CTDSPL2: variants seen among roughly 807,000 people sequenced by gnomAD.
CTDSPL2 encodes the protein CTD small phosphatase like 2, also known as CTD small phosphatase-like protein 2.
In CTDSPL2, 5 loss-of-function variants were observed where a neutral mutation model predicts 60.0. The observed-to-expected ratio is 0.08, with a 90% confidence interval of 0.04 to 0.18. The LOEUF is 0.18. Ranked by LOEUF, CTDSPL2 falls within the 10% of genes least tolerant of loss-of-function variation. The pLI is 1.00. For missense variants in CTDSPL2, 370 were observed against 548.8 expected (o/e 0.67, Z 3.26); for synonymous variants, 186 against 189.3 (o/e 0.98, Z 0.14).
intron 2 of CTDSPL2, among the ~76,000 whole-genome samples, chr15:44,465,081 G>A (rs1432115882): frequency 6.6e-6 from 1 of 152,096 alleles, no homozygotes; most frequent in African/African-American, 2.4e-5. Context: ...TCAGGTTAGG[G>A]CTTCAACATA....
At chr15:44,454,661 C>G (rs1289164149) in intron 1 of CTDSPL2, among the ~76,000 whole-genome samples, 1 of 152,290 alleles carries the variant, frequency 6.6e-6, no homozygotes, top group South Asian at 2.1e-4. Context: ...CCAGTTTTCC[C>G]AGGACCGTTT....
rs764238056 is a variant in CTDSPL2 at position 44,506,412 on chromosome 15, C to CTTTTTTTTT, written c.969+6612_969+6620dup. On this transcript the variant is annotated intron_variant, in intron 8 of 12. Coordinates refer to ENST00000260327, the MANE Select transcript of CTDSPL2 (RefSeq NM_016396.3). ...TAAGCTTCATTTTATCCTACTTTGA[C>CTTTTTTTTT]TTTTTTTTTTTTTTTTTTTTTGGAG... Among the ~76,000 whole-genome samples, 170 of 112,382 alleles carry CTTTTTTTTT rather than the reference C, an allele frequency of 1.5e-3. 6 individuals are homozygous for CTTTTTTTTT. The highest frequency in any genetic ancestry group is 4.9e-3 in the East Asian group (16 of 3,286). The allele number at this position is 112,382 out of a possible 152,430, so 73.7% of individuals were successfully genotyped here. A position where few individuals can be genotyped will look rare whatever the true frequency, so the allele number is the denominator to read the frequency against.
chr15:44,477,535 T>C (rs1317686970), intron 2 of CTDSPL2, among the ~76,000 whole-genome samples: 1 of 141,342 alleles, frequency 7.1e-6, no homozygotes, highest in East Asian at 2.2e-4. Flanking sequence ...ACCCTGTCTT[T>C]TTAAAAAAAA....
chr15:44,504,161 A>G (rs1002311395), intron 8 of CTDSPL2, among the ~76,000 whole-genome samples: 2 of 152,194 alleles, frequency 1.3e-5, no homozygotes, highest in African/African-American at 4.8e-5. Context: ...CACCCTGGCC[A>G]ACATGGCAAA....
At chr15:44,436,457 C>T (rs1487479106) in intron 1 of CTDSPL2, among the ~76,000 whole-genome samples, 1 of 152,186 alleles carries the variant, frequency 6.6e-6, no homozygotes, top group Admixed American at 6.5e-5. Flanking sequence ...CCCATTTTGA[C>T]AGCTCTTTGT....
chr15:44,477,785 C>T (rs1007911408), intron 2 of CTDSPL2, among the ~76,000 whole-genome samples: 6 of 151,928 alleles, frequency 3.9e-5, no homozygotes, highest in African/African-American at 1.5e-4. Flanking sequence ...TTGTGGTGAG[C>T]CAAGATCGTG....
intron 10 of CTDSPL2, chr15:44,517,548 CT>C (rs1440034153): frequency 4.6e-5 from 7 of 152,052 alleles, no homozygotes; most frequent in African/African-American, 1.4e-4. Flanking sequence ...TAACACAAGT[CT>C]GTACTCACAT....
intron 1 of CTDSPL2, among the ~76,000 whole-genome samples, chr15:44,440,400 T>A (rs2141276885): frequency 6.6e-6 from 1 of 152,238 alleles, no homozygotes. Context: ...TTCACTCTGT[T>A]GCCCAGGCTG....
rs896155526 is a variant in CTDSPL2, at chr15:44,490,906, T to A, written c.598T>A (p.Tyr200Asn). 1.6e-5 allele frequency: 26 copies of A among 1,613,982 alleles called. No homozygotes were observed. Among genetic ancestry groups the A allele is most frequent in the Non-Finnish European group, 2.1e-5 (25 of 1,179,986 alleles). The change falls in exon 5 of 13, where the codon TAC (tyrosine) becomes AAC (asparagine). Residue 200 changes from tyrosine (Y) to asparagine (N), a missense_variant. Physicochemically the swap from Tyr to Asn is moderately radical, Grantham distance 143 (BLOSUM62 -2). Transcript: ENST00000260327. ...TACTACATCAACTAATGGAGCAGCT[T>A]ACTCAAATCAAGCAGTTCAAGTGAG... ...STTTSTNGAA[Y>N]SNQAVQVRPS...
intron 1 of CTDSPL2, among the ~76,000 whole-genome samples, chr15:44,442,042 C>T (rs2080098998): frequency 6.6e-6 from 1 of 152,140 alleles, no homozygotes; most frequent in Non-Finnish European, 1.5e-5. Context: ...GTGCTGGTTC[C>T]CTCAAAACTG....
At chr15:44,518,903 C>G in intron 10 of CTDSPL2, 1 of 208,474 alleles carries the variant, frequency 4.8e-6, no homozygotes, top group Non-Finnish European at 9.5e-6. Flanking sequence ...TTTTTAATCC[C>G]CCTTTATAAT....
intron 8 of CTDSPL2, among the ~76,000 whole-genome samples, chr15:44,509,491 C>T (rs1330542452): frequency 2.6e-5 from 4 of 152,030 alleles, no homozygotes; most frequent in African/African-American, 9.7e-5. Flanking sequence ...ACAGGCGTGA[C>T]CTACCACGCC....
At chr15:44,490,205 G>A (rs944522954) in intron 4 of CTDSPL2, among the ~76,000 whole-genome samples, 1 of 152,124 alleles carries the variant, frequency 6.6e-6, no homozygotes, top group Non-Finnish European at 1.5e-5. Flanking sequence ...TACGATCACC[G>A]TTCACTGCAG....
At chr15:44,457,536 C>T (rs1361546179) in intron 1 of CTDSPL2, among the ~76,000 whole-genome samples, 3 of 151,172 alleles carry the variant, frequency 2.0e-5, no homozygotes, top group Non-Finnish European at 4.4e-5. Flanking sequence ...CTCTCCATGT[C>T]AGCAAGAAGG....
chr15:44,436,749 TCTTGA>T (rs1256974691), intron 1 of CTDSPL2, among the ~76,000 whole-genome samples: 1 of 152,236 alleles, frequency 6.6e-6, no homozygotes, highest in African/African-American at 2.4e-5. Context: ...TTACAGCAAA[TCTTGA>T]CTTTGTTGCC....
At chr15:44,461,431 C>T (rs1358181840) in intron 2 of CTDSPL2, among the ~76,000 whole-genome samples, 1 of 152,068 alleles carries the variant, frequency 6.6e-6, no homozygotes, top group African/African-American at 2.4e-5. Flanking sequence ...CTCTATTGCC[C>T]AGGCTGGAGT....
intron 5 of CTDSPL2, among the ~76,000 whole-genome samples, chr15:44,495,212 C>T (rs978097144): frequency 3.9e-5 from 6 of 152,086 alleles, no homozygotes; most frequent in East Asian, 2.0e-4. Context: ...TCAGGTGATC[C>T]GCCTGCCTTG....
intron 4 of CTDSPL2, 62 bp downstream of exon 4, chr15:44,486,762 T>TG: frequency 3.4e-6 from 4 of 1,190,676 alleles, no homozygotes; most frequent in South Asian, 1.5e-5. Flanking sequence ...GTTTGGGTTT[T>TG]TTTTTTTTTT....
chr15:44,500,216 G>A (rs1296950076), intron 8 of CTDSPL2, among the ~76,000 whole-genome samples: 1 of 152,108 alleles, frequency 6.6e-6, no homozygotes, highest in African/African-American at 2.4e-5. Flanking sequence ...TCCTATAGTA[G>A]TAATGTGGTC....
Sources: allele counts gnomAD v4.1 joint callset (sites outside exome capture counted in the v4.1 genomes callset), GRCh38; gene constraint gnomAD v4.1.1; transcripts MANE v1.5; gene names NCBI Gene and HGNC (gene_info 2026-07-23, HGNC 2026-07-21).